Variants in CDC45 observed in about 807,000 individuals in gnomAD.
CDC45 encodes cell division cycle 45.
In CDC45, 54 loss-of-function variants were observed where a neutral mutation model predicts 77.8. That is an observed-to-expected ratio of 0.69 (90% CI 0.56 to 0.87). The LOEUF is 0.87. CDC45 is among the 40% of genes least tolerant of loss of function. The probability of loss-of-function intolerance (pLI) is 0.00; values close to 1 mark genes in which losing one functional copy is unlikely to be tolerated. For missense variants in CDC45, 649 were observed against 721.6 expected (o/e 0.90, Z 1.15); for synonymous variants, 260 against 272.1 (o/e 0.96, Z 0.44).
intron 12 of CDC45, among the ~76,000 whole-genome samples, chr22:19,508,276 G>A (rs2146417026): frequency 6.6e-6 from 1 of 152,304 alleles, no homozygotes; most frequent in South Asian, 2.1e-4. Flanking sequence ...CAGCTGGCAT[G>A]CTAAGGTGTG....
At chr22:19,506,601 C>T (rs141813873) in intron 10 of CDC45, among the ~76,000 whole-genome samples, 18 of 152,268 alleles carry the variant, frequency 1.2e-4, no homozygotes, top group Non-Finnish European at 2.5e-4. Flanking sequence ...CTCACAACTG[C>T]GCTCACGGTG....
intron 17 of CDC45, among the ~76,000 whole-genome samples, chr22:19,517,880 C>T (rs1219105144): frequency 2.6e-5 from 4 of 152,216 alleles, no homozygotes; most frequent in African/African-American, 9.6e-5. Flanking sequence ...GGAGACCGTT[C>T]AGCTCATAAC....
chr22:19,482,296 C>T (rs1396045047), intron 3 of CDC45, among the ~76,000 whole-genome samples: 1 of 152,164 alleles, frequency 6.6e-6, no homozygotes, highest in African/African-American at 2.4e-5. Flanking sequence ...ATTTAAGTAC[C>T]CATAAAGTAT....
At chr22:19,512,350 C>T (rs1248390448) in intron 13 of CDC45, among the ~76,000 whole-genome samples, 1 of 152,246 alleles carries the variant, frequency 6.6e-6, no homozygotes, top group African/African-American at 2.4e-5. Flanking sequence ...TTAGGTCTCA[C>T]TACCTCTTGG....
chr22:19,506,519 C>T (rs1298945505), intron 10 of CDC45, among the ~76,000 whole-genome samples: 1 of 152,058 alleles, frequency 6.6e-6, no homozygotes, highest in Non-Finnish European at 1.5e-5. Flanking sequence ...GGGAACTGAG[C>T]ATGCCGAGGA....
At chr22:19,517,122 TGGCCTTACAGC>T (rs973099442) in intron 17 of CDC45, among the ~76,000 whole-genome samples, 4 of 152,246 alleles carry the variant, frequency 2.6e-5, no homozygotes, top group African/African-American at 7.2e-5. Context: ...GGCCTGGCTG[TGGCCTTACAGC>T]GGCCTTACAG....
Position 19,516,876 on chromosome 22 carries a change from A to G in CDC45, c.1619A>G (p.Asn540Ser), listed in dbSNP as rs1933827863. The change falls in exon 17 of 19, where the codon AAC becomes AGC. Residue 540 changes from asparagine (N) to serine (S), a missense_variant. By Grantham distance (46) the Asn-to-Ser change is conservative. Coordinates refer to ENST00000263201, the MANE Select transcript of CDC45 (RefSeq NM_003504.5). ...AGCACCAGCTCCCGGATGCTGCACA[A>G]CCATTTTGACCTCTCAGGTGAGAGT... ...AESTSSRMLH[N>S]HFDLSVIELK... The G allele has an allele frequency of 1.9e-6, 3 of 1,613,742 alleles. No individual in the cohort carries two copies. The South Asian group carries it at 3.3e-5, about 18-fold the overall frequency.
Position 19,508,642 on chromosome 22 carries a change from G to A in CDC45, c.1168G>A (p.Asp390Asn), listed in dbSNP as rs375774132. ...TMSLMESPEK[D>N]GSGTDHFIQA... ...GTCTTTGATGGAGAGCCCCGAGAAGGATGGCTCAGGGACAGATCACTTCAT... is the reference window on the plus strand; with the variant it reads ...GTCTTTGATGGAGAGCCCCGAGAAGAATGGCTCAGGGACAGATCACTTCAT... The change falls in exon 13 of 19, where the codon GAT (aspartate) becomes AAT (asparagine). Residue 390 changes from aspartate (D) to asparagine (N), a missense_variant. By Grantham distance (23) the Asp-to-Asn change is conservative. Coordinates refer to ENST00000263201, the MANE Select transcript of CDC45 (RefSeq NM_003504.5). 3.7e-6 allele frequency: 6 copies of A among 1,614,252 alleles called. No individual in the cohort carries two copies. The highest frequency in any genetic ancestry group is 3.3e-4 in the Middle Eastern group (2 of 6,062).
intron 6 of CDC45, 92 bp from the exon 7 acceptor site, chr22:19,495,889 A>T: frequency 1.2e-6 from 1 of 837,552 alleles, no homozygotes; most frequent in Non-Finnish European, 2.1e-6. Context: ...TTTGCATTTC[A>T]TTGAATACTG....
intron 15 of CDC45, 28 bp from the exon 16 acceptor site, chr22:19,516,499 T>C (rs1300744744): frequency 3.8e-6 from 6 of 1,575,998 alleles, no homozygotes; most frequent in Non-Finnish European, 5.2e-6. Context: ...CACCATACCC[T>C]GACGGAGGGT....
chr22:19,507,944 T>A, intron 12 of CDC45, 80 bp downstream of exon 12: 2 of 983,482 alleles, frequency 2.0e-6, no homozygotes, highest in Non-Finnish European at 3.1e-6. Flanking sequence ...ACTGTGCTCC[T>A]AAAATAATGC....
intron 5 of CDC45, among the ~76,000 whole-genome samples, chr22:19,490,435 C>T (rs560629663): frequency 7.2e-5 from 11 of 151,874 alleles, no homozygotes; most frequent in African/African-American, 2.4e-4. Context: ...AATGCAGTGG[C>T]GCGATCTTGG....
At chr22:19,482,025 C>A (rs1359760070) in intron 3 of CDC45, among the ~76,000 whole-genome samples, 1 of 152,122 alleles carries the variant, frequency 6.6e-6, no homozygotes, top group Non-Finnish European at 1.5e-5. Context: ...ACTTAAAATC[C>A]AGGAATAAAT....
At chr22:19,509,775 C>G (rs1933410703) in intron 13 of CDC45, among the ~76,000 whole-genome samples, 1 of 152,162 alleles carries the variant, frequency 6.6e-6, no homozygotes, top group African/African-American at 2.4e-5. Context: ...TCTGGCTTCA[C>G]AGAGCTGCCA....
rs145235520 is a variant in CDC45, at chr22:19,506,102, C to T, written c.824+621C>T. ...GGGCAAGGAGATGGTCACTGCTTTC[C>T]AAGGCCACACAATAGTGGCTTGGCC... On this transcript the variant is annotated intron_variant, in intron 10 of 18. Transcript: ENST00000263201. Among the ~76,000 whole-genome samples, 1,008 of 152,298 alleles carry T rather than the reference C, an allele frequency of 6.6e-3. 8 individuals carry two copies. Among genetic ancestry groups the T allele is most frequent in the South Asian group, 0.033 (161 of 4,828 alleles).
chr22:19,496,365 A>AT (rs1427730261), intron 7 of CDC45, among the ~76,000 whole-genome samples: 1 of 152,248 alleles, frequency 6.6e-6, no homozygotes, highest in African/African-American at 2.4e-5. Flanking sequence ...AAAACGCTAT[A>AT]GACTTATAAT....
rs2090203964 is a variant in CDC45 at position 19,494,351 on chromosome 22, A to G, written c.511A>G (p.Arg171Gly). 1 of 1,612,980 alleles carries G rather than the reference A, an allele frequency of 6.2e-7. No individual in the cohort carries two copies. Among genetic ancestry groups the G allele is most frequent in the Admixed American group, 1.7e-5 (1 of 59,986 alleles). The part of the protein sequence containing the change: ...EEEIVEQTMR[R>G]RQRREWEARR... ...GGAGATAGTGGAGCAAACCATGCGG[A>G]GGAGGCAGCGGCGAGAGTGGGAGGC... The change falls in exon 6 of 19, where the codon AGG becomes GGG. Residue 171 changes from arginine to glycine, a missense_variant. Coordinates refer to ENST00000263201, the MANE Select transcript of CDC45 (RefSeq NM_003504.5).
intron 13 of CDC45, among the ~76,000 whole-genome samples, chr22:19,510,340 G>C (rs1019580455): frequency 6.6e-6 from 1 of 152,098 alleles, no homozygotes; most frequent in Non-Finnish European, 1.5e-5. Flanking sequence ...GAGCATTTTT[G>C]TTGCCCCAGA....
At chr22:19,510,772 C>T (rs916973927) in intron 13 of CDC45, among the ~76,000 whole-genome samples, 1 of 152,034 alleles carries the variant, frequency 6.6e-6, no homozygotes, top group African/African-American at 2.4e-5. Context: ...CTTGATCCAC[C>T]TGCCTCGGCC....
Sources: gnomAD v4.1 joint callset for allele counts (sites outside exome capture counted in the v4.1 genomes callset) on GRCh38, gnomAD v4.1.1 for gene constraint, MANE v1.5 for transcripts, NCBI Gene and HGNC (gene_info 2026-07-23, HGNC 2026-07-21) for gene names.